The following TERB1 variants were observed in gnomAD, a reference collection of about 807,000 sequenced individuals.
TERB1 encodes the protein telomere repeats-binding bouquet formation protein 1.
A neutral mutation model predicts 92.3 loss-of-function variants in TERB1; 63 were observed. That is an observed-to-expected ratio of 0.68 (90% CI 0.56 to 0.84). The LOEUF (loss-of-function observed/expected upper bound fraction) is 0.84, where lower values mean the gene tolerates loss of function less well. TERB1 is among the 40% of genes least tolerant of loss of function. TERB1 has a pLI of 0.00. For synonymous variants in TERB1, 252 were observed against 283.9 expected (o/e 0.89, Z 1.13); for missense variants, 709 against 843.7 (o/e 0.84, Z 1.98).
chr16:66,800,278 A>G (rs909321094), intron 2 of TERB1: 6 of 151,796 alleles, frequency 4.0e-5, no homozygotes, highest in Admixed American at 3.3e-4. Flanking sequence ...AGGTGGGAAG[A>G]TCCCTTGAGC....
chr16:66,764,887 A>T (rs1302991990), intron 16 of TERB1, among the ~76,000 whole-genome samples: 1 of 152,214 alleles, frequency 6.6e-6, no homozygotes, highest in Admixed American at 6.5e-5. Flanking sequence ...TGAAGTGGGT[A>T]TGTGCTGAGA....
At chr16:66,781,681 G>A (rs915780091) in intron 9 of TERB1, among the ~76,000 whole-genome samples, 32 of 151,762 alleles carry the variant, frequency 2.1e-4, no homozygotes, top group African/African-American at 7.3e-4. Flanking sequence ...CACCACGCCC[G>A]GCTAATTTTT....
At chr16:66,766,739 C>T (rs1597011614) in intron 16 of TERB1, among the ~76,000 whole-genome samples, 1 of 152,164 alleles carries the variant, frequency 6.6e-6, no homozygotes, top group African/African-American at 2.4e-5. Flanking sequence ...TAAAAAGGTA[C>T]TAACTGTGTT....
rs2018419662 is a variant in TERB1 at position 66,770,108 on chromosome 16, T to A, written c.1474A>T (p.Lys492Ter). The change falls in exon 14 of 19, where the codon AAG becomes TAG. Residue 492 changes from lysine to a stop codon, truncating the protein, a stop_gained. Transcript: ENST00000433154. LOFTEE classifies it high-confidence loss of function. ...GGATTTGCGCTCTTTAACGGTGTCT[T>A]CATTTGGTCATCATTTGTACATGCT... ...SKACTNDDQM[K>*]TPLKSANPVH... 6.4e-7 allele frequency: 1 copy of A among 1,552,190 alleles called. No individual in the cohort carries two copies.
intron 9 of TERB1, among the ~76,000 whole-genome samples, chr16:66,783,048 C>A (rs915073802): frequency 3.3e-5 from 5 of 152,058 alleles, no homozygotes; most frequent in African/African-American, 1.2e-4. Context: ...GATACAGGGT[C>A]TTTCTATGTT....
intron 16 of TERB1, among the ~76,000 whole-genome samples, chr16:66,765,647 G>A (rs1338201972): frequency 6.6e-6 from 1 of 151,154 alleles, no homozygotes; most frequent in Admixed American, 6.6e-5. Flanking sequence ...TAGTAGAGAC[G>A]GGGTTTCACC....
At chr16:66,766,916 A>T (rs1476096941) in intron 16 of TERB1, among the ~76,000 whole-genome samples, 1 of 152,172 alleles carries the variant, frequency 6.6e-6, no homozygotes, top group East Asian at 1.9e-4. Context: ...CAAAGTGTTG[A>T]GATTACAGCT....
chr16:66,765,727 G>A (rs896241118), intron 16 of TERB1, among the ~76,000 whole-genome samples: 1 of 151,478 alleles, frequency 6.6e-6, no homozygotes, highest in Non-Finnish European at 1.5e-5. Flanking sequence ...CAAAGTGCTA[G>A]GATTACAGAC....
intron 18 of TERB1, among the ~76,000 whole-genome samples, chr16:66,756,268 A>G (rs1597004702): frequency 6.6e-6 from 1 of 152,346 alleles, no homozygotes; most frequent in South Asian, 2.1e-4. Context: ...AGGCCAAGAC[A>G]GCCATTTGTT....
chr16:66,782,320 C>T (rs1251054917), intron 9 of TERB1, among the ~76,000 whole-genome samples: 3 of 152,068 alleles, frequency 2.0e-5, no homozygotes, highest in East Asian at 1.9e-4. Context: ...GAGGCCAAGG[C>T]GGGAGGATCA....
At chr16:66,784,947 T>G (rs1332356965) in intron 9 of TERB1, among the ~76,000 whole-genome samples, 1 of 150,186 alleles carries the variant, frequency 6.7e-6, no homozygotes, top group Non-Finnish European at 1.5e-5. Flanking sequence ...GGTCTCAAAC[T>G]CCTGACCTCA....
intron 2 of TERB1, among the ~76,000 whole-genome samples, chr16:66,799,209 T>A (rs183410701): frequency 3.9e-5 from 6 of 152,312 alleles, no homozygotes; most frequent in African/African-American, 1.4e-4. Flanking sequence ...TAATGTAATT[T>A]TTAAGAGGTG....
intron 16 of TERB1, 44 bp from the exon 17 acceptor site, chr16:66,759,334 A>G: frequency 7.1e-7 from 1 of 1,412,130 alleles, no homozygotes; most frequent in Non-Finnish European, 9.5e-7. Context: ...GTCACAAAAT[A>G]TCTAGTAACA....
rs1406422128 is a variant in TERB1, at chr16:66,772,734, A to G, written c.1127T>C (p.Leu376Pro). 6.5e-7 allele frequency: 1 copy of G among 1,541,630 alleles called. No individual in the cohort carries two copies. Among genetic ancestry groups the G allele is most frequent in the Non-Finnish European group, 8.7e-7 (1 of 1,143,158 alleles). ...ATCAAAAGGATATTCTCCTAGACTTAGAGATAATTTCTCAGCTTTGTAGTA... is the reference window on the plus strand; with the variant it reads ...ATCAAAAGGATATTCTCCTAGACTTGGAGATAATTTCTCAGCTTTGTAGTA... ...NCKKITEKLS[L>P]SLGEYPFDEN... The change falls in exon 13 of 19, where the codon CTA (leucine) becomes CCA (proline). Residue 376 changes from leucine (L) to proline (P), a missense_variant. Coordinates refer to ENST00000433154, the MANE Select transcript of TERB1 (RefSeq NM_001136505.2).
At chr16:66,775,038 G>A in intron 12 of TERB1, 80 bp downstream of exon 12, 3 of 1,396,688 alleles carry the variant, frequency 2.1e-6, no homozygotes, top group Non-Finnish European at 2.9e-6. Context: ...AGAGCTATAG[G>A]GCCTTGGCTC....
chr16:66,794,872 T>C (rs1157367504), intron 3 of TERB1, among the ~76,000 whole-genome samples: 1 of 149,510 alleles, frequency 6.7e-6, no homozygotes, highest in Non-Finnish European at 1.5e-5. Context: ...ATCCGGCCAC[T>C]GCACTCCAGC....
chr16:66,755,938 TA>T (rs2018130722), intron 18 of TERB1, among the ~76,000 whole-genome samples: 1 of 152,192 alleles, frequency 6.6e-6, no homozygotes, highest in Non-Finnish European at 1.5e-5. Context: ...AATTTGCTTT[TA>T]AAAACACATG....
chr16:66,768,164 G>A lies in TERB1; in HGVS notation c.1624C>T (p.His542Tyr). 2 of 1,547,162 alleles carry A rather than the reference G, an allele frequency of 1.3e-6. No individual in the cohort carries two copies. Among genetic ancestry groups the A allele is most frequent in the Non-Finnish European group, 1.7e-6 (2 of 1,143,102 alleles). The part of the protein sequence containing the change: ...EKNFVSQSSD[H>Y]VFKHPVHIAK... ...ATGTGAACTGGGTGTTTAAAAACAT[G>A]GTCACTAAAAGAAAATAGACACCAG... The change falls in exon 15 of 19, where the codon CAT becomes TAT. Residue 542 changes from histidine to tyrosine, a missense_variant. Physicochemically the swap from His to Tyr is moderately conservative, Grantham distance 83 (BLOSUM62 2). Transcript: ENST00000433154.
At chr16:66,796,333 A>G (rs2018929181) in intron 3 of TERB1, among the ~76,000 whole-genome samples, 1 of 152,042 alleles carries the variant, frequency 6.6e-6, no homozygotes, top group Non-Finnish European at 1.5e-5. Context: ...CACCTTTTTG[A>G]AATGTTTTTC....
Sources: allele counts gnomAD v4.1 joint callset (sites outside exome capture counted in the v4.1 genomes callset), GRCh38; gene constraint gnomAD v4.1.1; transcripts MANE v1.5; gene names NCBI Gene and HGNC (gene_info 2026-07-23, HGNC 2026-07-21).